Variants in SLC38A12 observed in about 807,000 individuals in gnomAD.
SLC38A12 encodes solute carrier family 38 member 12.
the SLC38A12 span, among the ~76,000 whole-genome samples, chr17:74,779,795 G>A: frequency 6.6e-6 from 1 of 152,174 alleles, no homozygotes; most frequent in Non-Finnish European, 1.5e-5. Flanking sequence ...GCTCTCTATT[G>A]CCCCATTCAT....
the SLC38A12 span, among the ~76,000 whole-genome samples, chr17:74,826,793 A>G: frequency 6.6e-6 from 1 of 152,290 alleles, no homozygotes; most frequent in Non-Finnish European, 1.5e-5. Context: ...CAGAGAGGGC[A>G]CACACCTGGA....
chr17:74,790,113 C>G, the SLC38A12 span: 1 of 1,106,544 alleles, frequency 9.0e-7, no homozygotes, highest in Non-Finnish European at 1.4e-6. Context: ...GACACCACAC[C>G]TGGCTAACAT....
the SLC38A12 span, among the ~76,000 whole-genome samples, chr17:74,810,943 G>A: frequency 3.3e-5 from 5 of 152,214 alleles, no homozygotes; most frequent in Non-Finnish European, 7.3e-5. Context: ...CATGGTGAAT[G>A]ATCCTTTGTG....
At chr17:74,818,542 T>C in the SLC38A12 span, among the ~76,000 whole-genome samples, 9 of 151,976 alleles carry the variant, frequency 5.9e-5, no homozygotes, top group Admixed American at 5.9e-4. Context: ...CGGGACAGGC[T>C]CAGCTCCTCC....
chr17:74,787,418 C>T, the SLC38A12 span, among the ~76,000 whole-genome samples: 1 of 150,136 alleles, frequency 6.7e-6, no homozygotes, highest in African/African-American at 2.5e-5. Context: ...GTCAGGAGAT[C>T]GAGACCATCC....
At chr17:74,781,071 A>T in the SLC38A12 span, among the ~76,000 whole-genome samples, 1 of 152,150 alleles carries the variant, frequency 6.6e-6, no homozygotes, top group Non-Finnish European at 1.5e-5. Context: ...ACCGGCACCT[A>T]GTGGGCAAAG....
At chr17:74,822,928 G>A in the SLC38A12 span, among the ~76,000 whole-genome samples, 1 of 152,232 alleles carries the variant, frequency 6.6e-6, no homozygotes, top group Non-Finnish European at 1.5e-5. Context: ...CCTTTTGGGG[G>A]AGGGACCCCA....
chr17:74,819,039 A>G, the SLC38A12 span, among the ~76,000 whole-genome samples: 1 of 152,212 alleles, frequency 6.6e-6, no homozygotes, highest in African/African-American at 2.4e-5. Flanking sequence ...GAGAGGACCC[A>G]TGCTGACCAG....
the SLC38A12 span, among the ~76,000 whole-genome samples, chr17:74,832,737 A>G: frequency 1.0e-3 from 159 of 152,356 alleles, no homozygotes; most frequent in African/African-American, 2.3e-3. Context: ...GAAAGCCCAC[A>G]TGGCCCTGCA....
At chr17:74,831,966 C>G in the SLC38A12 span, among the ~76,000 whole-genome samples, 1 of 152,210 alleles carries the variant, frequency 6.6e-6, no homozygotes, top group African/African-American at 2.4e-5. Context: ...ATGATCAGAC[C>G]TAATGAGTTT....
chr17:74,817,603 G>T, the SLC38A12 span, among the ~76,000 whole-genome samples: 1 of 152,000 alleles, frequency 6.6e-6, no homozygotes, highest in Non-Finnish European at 1.5e-5. Flanking sequence ...CTGTCAGTGG[G>T]CTGGGATTCA....
the SLC38A12 span, among the ~76,000 whole-genome samples, chr17:74,831,015 G>A: frequency 2.0e-5 from 3 of 152,272 alleles, no homozygotes; most frequent in African/African-American, 4.8e-5. Flanking sequence ...TCTCTACCCC[G>A]CATTGAGCTG....
chr17:74,789,848 A>C, the SLC38A12 span, among the ~76,000 whole-genome samples: 2 of 141,456 alleles, frequency 1.4e-5, no homozygotes, highest in Non-Finnish European at 3.0e-5. Flanking sequence ...TTCGTCTCAA[A>C]AAAAAAAAAA....
chr17:74,807,755 C>T, the SLC38A12 span, among the ~76,000 whole-genome samples: 4,656 of 152,312 alleles, frequency 0.031, 180 homozygotes, highest in African/African-American at 0.085. Flanking sequence ...CGGACAGTGA[C>T]GGATTAGAGT....
the SLC38A12 span, among the ~76,000 whole-genome samples, chr17:74,818,744 G>A: frequency 2.0e-5 from 3 of 152,228 alleles, no homozygotes; most frequent in Non-Finnish European, 4.4e-5. Context: ...ATGGCACTGT[G>A]TAAATGTTAA....
At chr17:74,781,987 C>A in the SLC38A12 span, among the ~76,000 whole-genome samples, 1 of 152,248 alleles carries the variant, frequency 6.6e-6, no homozygotes, top group East Asian at 1.9e-4. Flanking sequence ...ACCTTCTCAT[C>A]CTCCAGCTCC....
At chr17:74,801,219 C>G in the SLC38A12 span, among the ~76,000 whole-genome samples, 2 of 152,244 alleles carry the variant, frequency 1.3e-5, no homozygotes, top group Non-Finnish European at 2.9e-5. Context: ...CCTCCTCATT[C>G]AGTTCTGGAG....
At chr17:74,795,542 C>G in the SLC38A12 span, 2 of 1,614,088 alleles carry the variant, frequency 1.2e-6, no homozygotes, top group Non-Finnish European at 1.7e-6. Context: ...CTGGCAATGA[C>G]TCCTGCGGTG....
the SLC38A12 span, among the ~76,000 whole-genome samples, chr17:74,801,385 CG>C: frequency 6.6e-6 from 1 of 152,180 alleles, no homozygotes; most frequent in African/African-American, 2.4e-5. Flanking sequence ...GGTGAGGCTT[CG>C]AGGTGTCTTC....
Sources: gnomAD v4.1 joint callset for allele counts (sites outside exome capture counted in the v4.1 genomes callset) on GRCh38, gnomAD v4.1.1 for gene constraint, MANE v1.5 for transcripts, NCBI Gene and HGNC (gene_info 2026-07-23, HGNC 2026-07-21) for gene names.